The following MED27 variants were observed in gnomAD, a reference collection of about 807,000 sequenced individuals.
MED27 encodes mediator complex subunit 27.
MED27 carries 30 observed loss-of-function variants against 38.2 expected under a neutral mutation model. The observed-to-expected ratio is 0.79, with a 90% CI of 0.59 to 1.07. The LOEUF (loss-of-function observed/expected upper bound fraction) is 1.07. MED27 is among the 50% of genes least tolerant of loss of function. MED27 has a pLI of 0.00. For missense variants in MED27, 289 were observed against 397.5 expected (o/e 0.73, Z 2.32); for synonymous variants, 122 against 153.5 (o/e 0.79, Z 1.52).
At chr9:131,894,934 T>G (rs1829800910) in intron 4 of MED27, among the ~76,000 whole-genome samples, 1 of 152,020 alleles carries the variant, frequency 6.6e-6, no homozygotes, top group South Asian at 2.1e-4. Context: ...CCCTCGAGAG[T>G]GGCTTGTTAT....
rs1158379552 is a variant in MED27 at position 131,872,091 on chromosome 9, G to A, written c.724-8951C>T. On this transcript the variant is annotated intron_variant, in intron 6 of 7. Transcript: ENST00000292035. This position sits in a 1 kb window ranked among gnomAD's most constrained non-coding sequence, Gnocchi z 5.6. The stretch of plus-strand genomic sequence containing the variant: ...ATGCAGGTGAGGAACAGACGCTGGA[G>A]GCTGACTGCTGGGAACCGCCTTCCA... Among the ~76,000 whole-genome samples, 1 of 152,162 alleles carries A rather than the reference G, an allele frequency of 6.6e-6. No homozygotes were observed. Among genetic ancestry groups the A allele is most frequent in the Non-Finnish European group, 1.5e-5 (1 of 68,038 alleles).
rs570718898 is a variant in MED27, at chr9:131,903,959, C to T, written c.574-9967G>A. On this transcript the variant is annotated intron_variant, in intron 4 of 7. Transcript: ENST00000292035. ...TGTCACCTAGGCTGGAGTGCGGTGG[C>T]GTGATCTCGGCTCACTGCAACCTCT... 4.0e-5 allele frequency among the ~76,000 whole-genome samples: 6 copies of T among 149,458 alleles called. No individual in the cohort carries two copies. The East Asian group carries it at 6.0e-4, about 15-fold the overall frequency.
In MED27 at chr9:131,889,749, A is replaced by G. The variant is rs990483360; in HGVS notation, c.681+4136T>C. Among the ~76,000 whole-genome samples the G allele has an allele frequency of 2.4e-4, 37 of 152,334 alleles. 1 individual carries two copies. The Middle Eastern group carries it at 0.014, about 56-fold the overall frequency. ...CTGGGCCACTACAGCAGCAAGAAGG[A>G]TAATGAAACTTTCGAATGTGCTGGT... is the stretch of plus-strand genomic sequence containing the variant. On this transcript the variant is annotated intron_variant, in intron 5 of 7. Coordinates refer to ENST00000292035, the MANE Select transcript of MED27 (RefSeq NM_004269.4). This position sits in a 1 kb window ranked among gnomAD's most constrained non-coding sequence, Gnocchi z 4.2.
chr9:132,042,892 CAT>C (rs1192501533), intron 2 of MED27, among the ~76,000 whole-genome samples: 2 of 152,190 alleles, frequency 1.3e-5, no homozygotes, highest in African/African-American at 4.8e-5. Context: ...ACCAATTAAT[CAT>C]GTGTACATTA....
At chr9:131,880,908 TAA>T (rs58610115) in intron 6 of MED27, among the ~76,000 whole-genome samples, 5 of 143,276 alleles carry the variant, frequency 3.5e-5, no homozygotes, top group African/African-American at 1.0e-4. Context: ...ACAAGAACAT[TAA>T]AAAAAAAAAA....
intron 3 of MED27, among the ~76,000 whole-genome samples, chr9:131,991,545 C>A (rs78202492): frequency 0.03 from 4,532 of 152,198 alleles, 238 homozygotes; most frequent in African/African-American, 0.1. Flanking sequence ...TATTTTTAAT[C>A]TAATTTCCTG....
intron 3 of MED27, among the ~76,000 whole-genome samples, chr9:131,945,310 CAAAT>C (rs778307261): frequency 5.0e-4 from 76 of 151,774 alleles, no homozygotes; most frequent in Middle Eastern, 6.8e-3. Flanking sequence ...TTTTAATTGA[CAAAT>C]AAAGATTGTA....
At chr9:131,953,600 C>T (rs1349633783) in intron 3 of MED27, among the ~76,000 whole-genome samples, 1 of 151,852 alleles carries the variant, frequency 6.6e-6, no homozygotes, top group Non-Finnish European at 1.5e-5. Flanking sequence ...ATTAAAATTA[C>T]ATTATTTAAG....
chr9:131,869,522 G>T, intron 6 of MED27: 1 of 594,382 alleles, frequency 1.7e-6, no homozygotes, highest in African/African-American at 2.0e-5. Flanking sequence ...CTTGGCGGAG[G>T]CCAGGAAGGG....
chr9:131,901,908 G>C (rs1316244394), intron 4 of MED27, among the ~76,000 whole-genome samples: 1 of 152,166 alleles, frequency 6.6e-6, no homozygotes, highest in Non-Finnish European at 1.5e-5. Context: ...GGAAGCTGAA[G>C]TTTTGAAAGA....
chr9:131,867,152 C>CAGG (rs1158425941), intron 6 of MED27, among the ~76,000 whole-genome samples: 2 of 152,344 alleles, frequency 1.3e-5, no homozygotes, highest in Non-Finnish European at 2.9e-5. Context: ...CAGAGGTCCT[C>CAGG]AGGTCATGTG....
At chr9:131,933,367 T>A (rs1830626647) in intron 4 of MED27, among the ~76,000 whole-genome samples, 1 of 152,006 alleles carries the variant, frequency 6.6e-6, no homozygotes. Flanking sequence ...AAACCTAGAC[T>A]CTGCCAAAAA....
At chr9:131,977,484 T>C (rs1831634436) in intron 3 of MED27, among the ~76,000 whole-genome samples, 1 of 152,178 alleles carries the variant, frequency 6.6e-6, no homozygotes, top group Non-Finnish European at 1.5e-5. Flanking sequence ...GGCAATCTGA[T>C]TTGATTTCTC....
chr9:132,055,152 A>C (rs1833549371), intron 2 of MED27, among the ~76,000 whole-genome samples: 1 of 152,200 alleles, frequency 6.6e-6, no homozygotes, highest in South Asian at 2.1e-4. Flanking sequence ...GGCCCTCAAG[A>C]AGCATTTCCT....
chr9:131,941,265 G>T (rs1425316182), intron 3 of MED27, among the ~76,000 whole-genome samples: 2 of 152,156 alleles, frequency 1.3e-5, no homozygotes, highest in Admixed American at 6.5e-5. Flanking sequence ...TTACATGTCC[G>T]TTAAGTCAGG....
intron 3 of MED27, among the ~76,000 whole-genome samples, chr9:131,942,521 G>A (rs1405732901): frequency 4.6e-5 from 7 of 152,296 alleles, no homozygotes; most frequent in Non-Finnish European, 7.3e-5. Context: ...ATGCTAATGG[G>A]GAGGAGGATA....
chr9:132,033,666 C>T (rs573645820), intron 2 of MED27, among the ~76,000 whole-genome samples: 9 of 152,302 alleles, frequency 5.9e-5, no homozygotes, highest in East Asian at 1.9e-4. Flanking sequence ...GAGTTAATAA[C>T]GGAATGCTGC....
intron 3 of MED27, among the ~76,000 whole-genome samples, chr9:131,947,761 G>A (rs778727582): frequency 2.0e-5 from 3 of 151,704 alleles, no homozygotes; most frequent in Non-Finnish European, 2.9e-5. Context: ...AGCTCGAGCC[G>A]GATTTAAATA....
intron 3 of MED27, among the ~76,000 whole-genome samples, chr9:131,990,740 C>T (rs1831954736): frequency 6.6e-6 from 1 of 152,180 alleles, no homozygotes; most frequent in African/African-American, 2.4e-5. Context: ...CTGACCAGAT[C>T]TAGGATTCCC....
Sources: allele counts gnomAD v4.1 joint callset (sites outside exome capture counted in the v4.1 genomes callset), GRCh38; gene constraint gnomAD v4.1.1; non-coding constraint Gnocchi (gnomAD v3.1); transcripts MANE v1.5; gene names NCBI Gene and HGNC (gene_info 2026-07-23, HGNC 2026-07-21).